AGAP5: variants seen among roughly 807,000 people sequenced by gnomAD.
AGAP5 encodes the protein arf-GAP with GTPase, ANK repeat and PH domain-containing protein 5.
AGAP5 carries 8 observed loss-of-function variants against 27.7 expected under a neutral mutation model. The observed-to-expected ratio is 0.29, with a 90% CI of 0.17 to 0.52. The LOEUF (loss-of-function observed/expected upper bound fraction) is 0.52, where lower values mean the gene tolerates loss of function less well. Among genes scored for constraint, AGAP5 ranks in the 20% least tolerant of loss-of-function variants. The pLI, the probability that AGAP5 is intolerant of heterozygous loss-of-function variation, is 0.97. For missense variants in AGAP5, 285 were observed against 880.8 expected, an observed-to-expected ratio of 0.32 and a Z score of 8.56; for synonymous variants, 111 against 338.0, an observed-to-expected ratio of 0.33 and a Z score of 7.37.
intron 1 of AGAP5, 148 bp downstream of exon 1, chr10:73,697,385 C>T: frequency 1.9e-6 from 3 of 1,559,808 alleles, no homozygotes; most frequent in Non-Finnish European, 2.6e-6. Context: ...GAATTCAAGG[C>T]AGAGCCAGCT....
In AGAP5 at chr10:73,674,353, A is replaced by G; in HGVS notation, c.*246T>C. ...CATTTTATCTAAATACATAATACAG[A>G]AGCCTGTGTGACTTGGGCAATGTGG... is the stretch of plus-strand genomic sequence containing the variant. On this transcript the variant is annotated 3_prime_UTR_variant, in exon 8 of 8. Coordinates refer to ENST00000374094, the MANE Select transcript of AGAP5 (RefSeq NM_001144000.4). 1 of 657,854 alleles carries G rather than the reference A, an allele frequency of 1.5e-6. No homozygotes were observed. The highest frequency in any genetic ancestry group is 2.0e-5 in the South Asian group (1 of 50,662). The allele number at this position is 657,854 out of a possible 1,614,324, so 40.8% of individuals were successfully genotyped here.
Position 73,690,091 on chromosome 10 carries a change from C to A in AGAP5, c.396+1952G>T, listed in dbSNP as rs577877275. ...GAGGAGCCCCTCTTCCCGGCCACCA[C>A]CCCGTCTGGGAGGTGTACCCATCAG... On this transcript the variant is annotated intron_variant, in intron 4 of 7. Transcript: ENST00000374094. 1.9e-3 allele frequency among the ~76,000 whole-genome samples: 286 copies of A among 152,346 alleles called. 2 individuals are homozygous for A. The highest frequency in any genetic ancestry group is 6.6e-3 in the African/African-American group (276 of 41,596).
At position 73,697,664 on chromosome 10, in the gene AGAP5, A is replaced by C. The variant is rs752251773; in HGVS notation, c.92T>G (p.Ile31Ser). 1.4e-5 allele frequency: 23 copies of C among 1,601,230 alleles called. No homozygotes were observed. In the East Asian group the frequency reaches 4.9e-4, roughly 34 times the overall value. Residue 31 changes from isoleucine to serine, a missense_variant, in exon 1 of 8, where the codon ATC becomes AGC. Transcript: ENST00000374094. ...CCTGTCCCCAGCTCCTGCCTCATAG[A>C]TCTCAGATTCAGAGGGACACACCGA... is the stretch of plus-strand genomic sequence containing the variant. ...QGSVCPSESEIYEAGAGDRMA... is the reference protein window; with the variant it reads ...QGSVCPSESESYEAGAGDRMA...
Position 73,674,716 on chromosome 10 carries a change from C to T in AGAP5, c.1944G>A (p.Val648=), listed in dbSNP as rs774651757. Residue 648 remains valine (V), a synonymous_variant, in exon 8 of 8, where the codon GTG becomes GTA. Transcript: ENST00000374094. ...VLAQLLIWYG[V]DVMARDAHGN... is the part of the protein sequence containing the mutation. ...CGTGGGCATCTCGGGCCATGACGTC[C>T]ACCCCGTACCAGATCAGGAGCTGTG... 392 of 1,612,068 alleles carry T rather than the reference C, an allele frequency of 2.4e-4. 1 individual carries two copies. The highest frequency in any genetic ancestry group is 2.6e-4 in the Non-Finnish European group (312 of 1,179,870).
In AGAP5 at chr10:73,697,738, GGTCA is replaced by G; in HGVS notation, c.14_17del (p.Leu5ProfsTer49). 2 of 1,597,736 alleles carry G rather than the reference GGTCA, an allele frequency of 1.3e-6. No individual in the cohort carries two copies. The highest frequency in any genetic ancestry group is 1.7e-6 in the Non-Finnish European group (2 of 1,179,778). On this transcript the variant is annotated frameshift_variant, in exon 1 of 8. Transcript: ENST00000374094. LOFTEE classifies it high-confidence loss of function. ...GGCTGACGCTAGGGTGCACACAACA[GGTCA>G]GTATGTTCCCCATGGGGCGCCTCTA...
At chr10:73,691,067 C>G (rs1283987522) in intron 4 of AGAP5, among the ~76,000 whole-genome samples, 1 of 152,182 alleles carries the variant, frequency 6.6e-6, no homozygotes, top group African/African-American at 2.4e-5. Context: ...AGAAAATTAG[C>G]TTCATGCTAA....
At chr10:73,693,022 T>C (rs1166789796) in intron 3 of AGAP5, among the ~76,000 whole-genome samples, 3 of 152,034 alleles carry the variant, frequency 2.0e-5, no homozygotes, top group Admixed American at 6.6e-5. Flanking sequence ...TTTTTTTCCC[T>C]AAAAAGAGGC....
intron 6 of AGAP5, among the ~76,000 whole-genome samples, chr10:73,677,571 A>C (rs2081990413): frequency 6.7e-6 from 1 of 148,856 alleles, no homozygotes; most frequent in Non-Finnish European, 1.5e-5. Flanking sequence ...TTTTTAGTAG[A>C]GATGTGGTTT....
Position 73,675,457 on chromosome 10 carries a change from T to C in AGAP5, c.1203A>G (p.Lys401=), listed in dbSNP as rs746950294. The change falls in exon 8 of 8, where the codon AAA becomes AAG. Residue 401 remains lysine, a synonymous_variant. Transcript: ENST00000374094. ...TGTTGGTGCTTTTCTTCTTTAGGTG[T>C]TTCTTTTTATTGGCATGAGGAGAGG... ...PPPSPHANKK[K]HLKKKSTNNF... 1.2e-6 allele frequency: 2 copies of C among 1,613,876 alleles called. No homozygotes were observed. Among genetic ancestry groups the C allele is most frequent in the East Asian group, 2.2e-5 (1 of 44,876 alleles).
intron 4 of AGAP5, among the ~76,000 whole-genome samples, chr10:73,687,676 T>C (rs1419050762): frequency 2.0e-5 from 3 of 152,218 alleles, no homozygotes; most frequent in Admixed American, 6.5e-5. Context: ...CTTAATATCA[T>C]TAATTATACT....
At position 73,674,437 on chromosome 10, in the gene AGAP5, T is replaced by C. The variant is rs2081958543; in HGVS notation, c.*162A>G. 1.4e-5 allele frequency: 21 copies of C among 1,470,352 alleles called. No homozygotes were observed. The highest frequency in any genetic ancestry group is 1.2e-4 in the South Asian group (9 of 73,554). The allele number at this position is 1,470,352 out of a possible 1,614,324, so 91.1% of individuals were successfully genotyped here. On this transcript the variant is annotated 3_prime_UTR_variant, in exon 8 of 8. Coordinates refer to ENST00000374094, the MANE Select transcript of AGAP5 (RefSeq NM_001144000.4). ...GCAAAAGGACATAAAATATGTCTTA[T>C]GGTCAGAAAAATCAACATTTTGTGT...
chr10:73,691,093 A>C (rs2082114799), intron 4 of AGAP5, among the ~76,000 whole-genome samples: 1 of 152,234 alleles, frequency 6.6e-6, no homozygotes, highest in Admixed American at 6.5e-5. Context: ...AATGGATGTG[A>C]AAGCAAACAG....
At chr10:73,676,291 C>CAAAAAAAAAAAAAAAAAAA (rs371426814) in intron 7 of AGAP5, among the ~76,000 whole-genome samples, 1 of 71,802 alleles carries the variant, frequency 1.4e-5, no homozygotes, top group Non-Finnish European at 2.9e-5. Flanking sequence ...CCTGTCTTTA[C>CAAAAAAAAAAAAAAAAAAA]AAAAAAAAAA....
chr10:73,689,287 T>C (rs1285895058), intron 4 of AGAP5, among the ~76,000 whole-genome samples: 1 of 152,242 alleles, frequency 6.6e-6, no homozygotes, highest in East Asian at 1.9e-4. Flanking sequence ...GTTCACTCAG[T>C]GCTCAATGGT....
At chr10:73,678,923 G>A (rs1471098756) in intron 6 of AGAP5, among the ~76,000 whole-genome samples, 6 of 149,700 alleles carry the variant, frequency 4.0e-5, no homozygotes, top group South Asian at 4.3e-4. Flanking sequence ...GCGAGATCTC[G>A]GCTCACTGCA....
At chr10:73,689,232 G>A (rs910252158) in intron 4 of AGAP5, among the ~76,000 whole-genome samples, 38 of 152,364 alleles carry the variant, frequency 2.5e-4, no homozygotes, top group African/African-American at 7.7e-4. Flanking sequence ...AGAGTGATCC[G>A]CCAGCCTCGG....
chr10:73,692,623 C>A (rs1445746863), intron 3 of AGAP5, among the ~76,000 whole-genome samples: 2 of 148,282 alleles, frequency 1.3e-5, no homozygotes, highest in African/African-American at 5.0e-5. Context: ...TGGAAAGTAA[C>A]CTATCTTAAA....
chr10:73,675,408 C>T lies in AGAP5; in HGVS notation c.1252G>A (p.Gly418Ser). 6.2e-7 allele frequency: 1 copy of T among 1,614,080 alleles called. No individual in the cohort carries two copies. The highest frequency in any genetic ancestry group is 1.1e-5 in the South Asian group (1 of 91,078). Residue 418 changes from glycine to serine, a missense_variant, in exon 8 of 8, where the codon GGC becomes AGC. Physicochemically the swap from Gly to Ser is moderately conservative, Grantham distance 56. Coordinates refer to ENST00000374094, the MANE Select transcript of AGAP5 (RefSeq NM_001144000.4). ...GTGGCTTCAAAGTGCCATGTTTGGC[C>T]AGTGGCAGACACAATCATAAAGTTG... ...TNNFMIVSAT[G>S]QTWHFEATTY...
intron 6 of AGAP5, among the ~76,000 whole-genome samples, chr10:73,679,348 G>A (rs1281375745): frequency 6.6e-6 from 1 of 151,918 alleles, no homozygotes; most frequent in Admixed American, 6.6e-5. Context: ...ATTTTTAGTA[G>A]AGACGGGGTT....
Sources: allele counts gnomAD v4.1 joint callset (sites outside exome capture counted in the v4.1 genomes callset), GRCh38; gene constraint gnomAD v4.1.1; transcripts MANE v1.5; gene names NCBI Gene and HGNC (gene_info 2026-07-23, HGNC 2026-07-21).